The following FAM227B variants were observed in gnomAD, a reference collection of about 807,000 sequenced individuals.
FAM227B encodes the protein family with sequence similarity 227 member B.
A neutral mutation model predicts 73.8 loss-of-function variants in FAM227B; 88 were observed. That is an observed-to-expected ratio of 1.19 (90% CI 1.00 to 1.42). The LOEUF is 1.42. Among genes scored for constraint, FAM227B ranks in the 40% most tolerant of loss-of-function variants. The pLI is 0.00. For synonymous variants in FAM227B, 210 were observed against 190.5 expected, an observed-to-expected ratio of 1.10 and a Z score of -0.84; for missense variants, 632 against 590.9, an observed-to-expected ratio of 1.07 and a Z score of -0.72.
rs571162637 is a variant in FAM227B, at chr15:49,508,280, C to A, written c.943G>T (p.Gly315Cys). The A allele has an allele frequency of 1.6e-5, 25 of 1,610,916 alleles. No homozygotes were observed. In the African/African-American group the frequency reaches 2.9e-4, roughly 19 times the overall value. ...GATTTTGCAGGTGCTTTTTTGCTAC[C>A]ATGAATGGTGGTTGTGGAGAGTTCT... ...LKELSTTTIH[G>C]SKKAPAKSVK... The change falls in exon 11 of 16, where the codon GGT becomes TGT. Residue 315 changes from glycine to cysteine, a missense_variant. Gly to Cys is a radical substitution (Grantham distance 159). Transcript: ENST00000299338.
intron 4 of FAM227B, among the ~76,000 whole-genome samples, chr15:49,588,377 C>A (rs1387869322): frequency 6.7e-6 from 1 of 150,314 alleles, no homozygotes; most frequent in African/African-American, 2.4e-5. Flanking sequence ...CTAAAAAAGT[C>A]CACATTTTTC....
At chr15:49,397,586 G>C (rs1041252348) in intron 11 of FAM227B, among the ~76,000 whole-genome samples, 3 of 152,034 alleles carry the variant, frequency 2.0e-5, no homozygotes, top group Non-Finnish European at 2.9e-5. Context: ...AAATGTTAAG[G>C]GCAGCTAGAG....
rs538624465 is a variant in FAM227B, at chr15:49,423,008, C to T, written c.1013-51609G>A. 6.3e-4 allele frequency: 166 copies of T among 261,536 alleles called. 1 individual carries two copies. In the Middle Eastern group the frequency reaches 7.4e-3, roughly 12 times the overall value. The allele number at this position is 261,536 out of a possible 1,614,324, so 16.2% of individuals were successfully genotyped here. A position where few individuals can be genotyped will look rare whatever the true frequency, so the allele number is the denominator to read the frequency against. On this transcript the variant is annotated intron_variant, in intron 11 of 15. Coordinates refer to ENST00000299338, the MANE Select transcript of FAM227B (RefSeq NM_152647.3). ...TATTGCAAAGAAGGTTTAAAAAATT[C>T]CCTTTCCCCTTCTAACTGCTTCAGA...
At chr15:49,346,044 T>A (rs1380244608) in intron 13 of FAM227B, among the ~76,000 whole-genome samples, 1 of 124,154 alleles carries the variant, frequency 8.1e-6, no homozygotes, top group Non-Finnish European at 1.8e-5. Context: ...GGTCACTTGC[T>A]TTTGTTATTT....
intron 11 of FAM227B, among the ~76,000 whole-genome samples, chr15:49,449,355 G>A (rs766394021): frequency 2.0e-5 from 3 of 152,026 alleles, no homozygotes; most frequent in Non-Finnish European, 2.9e-5. Flanking sequence ...CTATAGGACA[G>A]TGATTTTAGT....
At chr15:49,508,492 A>G in intron 10 of FAM227B, 144 bp from the exon 11 acceptor site, 1 of 586,888 alleles carries the variant, frequency 1.7e-6, no homozygotes, top group Non-Finnish European at 2.8e-6. Context: ...GCTGCGTAGG[A>G]TTAGATAAGT....
intron 3 of FAM227B, among the ~76,000 whole-genome samples, chr15:49,590,549 A>G (rs747991947): frequency 6.6e-6 from 1 of 152,310 alleles, no homozygotes; most frequent in East Asian, 1.9e-4. Flanking sequence ...TAGTTTTATT[A>G]AAGTATAATT....
intron 11 of FAM227B, among the ~76,000 whole-genome samples, chr15:49,479,957 C>G (rs1358790164): frequency 6.6e-6 from 1 of 152,166 alleles, no homozygotes; most frequent in Non-Finnish European, 1.5e-5. Flanking sequence ...TTGAAAGGAA[C>G]ATCACTCCCC....
Position 49,574,043 on chromosome 15 carries a change from C to T in FAM227B, c.645+968G>A, listed in dbSNP as rs915693090. On this transcript the variant is annotated intron_variant, in intron 8 of 15. Transcript: ENST00000299338. ...AAATTACTTTCTTTATCCCTGGCAA[C>T]ATTGCTTTGAAATCTACTTTGTATG... Among the ~76,000 whole-genome samples the T allele has an allele frequency of 5.9e-5, 9 of 152,130 alleles. No individual in the cohort carries two copies. In the South Asian group the frequency reaches 1.9e-3, roughly 32 times the overall value.
intron 11 of FAM227B, 59 bp from the exon 12 acceptor site, chr15:49,371,458 A>G: frequency 9.9e-7 from 1 of 1,014,644 alleles, no homozygotes; most frequent in Non-Finnish European, 1.5e-6. Flanking sequence ...TCACAGAAAA[A>G]GCATGATACC....
intron 3 of FAM227B, among the ~76,000 whole-genome samples, chr15:49,594,797 A>G (rs955043929): frequency 6.6e-6 from 1 of 152,140 alleles, no homozygotes; most frequent in Non-Finnish European, 1.5e-5. Flanking sequence ...CTGTTTTTAT[A>G]CCAGTACCAT....
intron 1 of FAM227B, among the ~76,000 whole-genome samples, chr15:49,617,374 T>C (rs906691759): frequency 6.6e-6 from 1 of 152,148 alleles, no homozygotes; most frequent in African/African-American, 2.4e-5. Context: ...CAAAACTGCA[T>C]GTTATAAATG....
chr15:49,558,237 C>T (rs1186482867), intron 9 of FAM227B, among the ~76,000 whole-genome samples: 1 of 152,170 alleles, frequency 6.6e-6, no homozygotes, highest in East Asian at 1.9e-4. Context: ...CAAGGCAGGG[C>T]TTGCCAACCT....
chr15:49,385,507 G>A (rs1049222683), intron 11 of FAM227B, among the ~76,000 whole-genome samples: 5 of 150,934 alleles, frequency 3.3e-5, no homozygotes, highest in Non-Finnish European at 7.4e-5. Context: ...AATAAAAGGG[G>A]TTCTAAGCCT....
chr15:49,428,362 T>C (rs963702574), intron 11 of FAM227B, among the ~76,000 whole-genome samples: 4 of 151,974 alleles, frequency 2.6e-5, no homozygotes, highest in Non-Finnish European at 4.4e-5. Flanking sequence ...ACATTCAAAA[T>C]GAAGTAAATA....
chr15:49,500,884 T>C (rs1439735420), intron 11 of FAM227B, among the ~76,000 whole-genome samples: 1 of 152,062 alleles, frequency 6.6e-6, no homozygotes, highest in East Asian at 1.9e-4. Context: ...TTGTTTAAAA[T>C]TGTGTGGCAC....
At chr15:49,379,930 A>G (rs2046414582) in intron 11 of FAM227B, among the ~76,000 whole-genome samples, 1 of 152,144 alleles carries the variant, frequency 6.6e-6, no homozygotes, top group African/African-American at 2.4e-5. Context: ...GGGCTTTACA[A>G]TCAGCTGGTG....
At chr15:49,508,593 G>A (rs1015368793) in intron 10 of FAM227B, among the ~76,000 whole-genome samples, 58 of 151,774 alleles carry the variant, frequency 3.8e-4, no homozygotes, top group African/African-American at 1.3e-3. Flanking sequence ...GTTGGTAAAT[G>A]GGAAAGTATG....
At chr15:49,371,558 AG>A (rs997067156) in intron 11 of FAM227B, among the ~76,000 whole-genome samples, 159 bp from the exon 12 acceptor site, 2 of 152,068 alleles carry the variant, frequency 1.3e-5, no homozygotes, top group African/African-American at 4.8e-5. Flanking sequence ...TGTCCCAAAG[AG>A]GAAATAAATA....
Sources: gnomAD v4.1 joint callset for allele counts (sites outside exome capture counted in the v4.1 genomes callset) on GRCh38, gnomAD v4.1.1 for gene constraint, MANE v1.5 for transcripts, NCBI Gene and HGNC (gene_info 2026-07-23, HGNC 2026-07-21) for gene names.